The following CA10 variants were observed in gnomAD, a reference collection of about 807,000 sequenced individuals.
The protein encoded by CA10 is carbonic anhydrase 10 (inactive).
Under a neutral mutation model 44.2 loss-of-function variants are expected in CA10, and 14 were observed. The ratio of observed to expected loss-of-function variants is 0.32; its 90% CI spans 0.21 to 0.50. The LOEUF (loss-of-function observed/expected upper bound fraction) is 0.50. Ranked by LOEUF, CA10 falls within the 20% of genes least tolerant of loss-of-function variation. The probability of loss-of-function intolerance (pLI) is 0.99; values close to 1 mark genes in which losing one functional copy is unlikely to be tolerated. For synonymous variants in CA10, 159 were observed against 141.6 expected (o/e 1.12, Z -0.87); for missense variants, 350 against 409.7 (o/e 0.85, Z 1.26).
intron 3 of CA10, among the ~76,000 whole-genome samples, chr17:51,898,034 C>G (rs1010319444): frequency 6.6e-6 from 1 of 151,974 alleles, no homozygotes; most frequent in Non-Finnish European, 1.5e-5. Flanking sequence ...GACTTATGCT[C>G]TTCCTATTTG....
intron 3 of CA10, among the ~76,000 whole-genome samples, chr17:51,821,140 TCCC>T (rs1403787851): frequency 1.2e-5 from 1 of 86,198 alleles, no homozygotes; most frequent in African/African-American, 4.5e-5. Context: ...CCTCCCTCCC[TCCC>T]AATATTTATT....
At chr17:51,794,226 C>T (rs1323498648) in intron 3 of CA10, among the ~76,000 whole-genome samples, 1 of 152,146 alleles carries the variant, frequency 6.6e-6, no homozygotes, top group African/African-American at 2.4e-5. Flanking sequence ...TTGTGAACAA[C>T]AAAAATGAGC....
At chr17:52,028,294 C>T (rs973087618) in intron 2 of CA10, among the ~76,000 whole-genome samples, 15 of 152,156 alleles carry the variant, frequency 9.9e-5, no homozygotes, top group Non-Finnish European at 1.9e-4. Flanking sequence ...AAACTGACTA[C>T]AAGTGTGTTC....
intron 1 of CA10, among the ~76,000 whole-genome samples, chr17:52,102,060 C>T (rs1988552758): frequency 6.6e-6 from 1 of 152,130 alleles, no homozygotes; most frequent in Admixed American, 6.5e-5. Context: ...TCCAAAGTCC[C>T]TCCTTAGCCA....
chr17:52,136,716 G>A (rs1005480671), intron 1 of CA10, among the ~76,000 whole-genome samples: 1 of 152,134 alleles, frequency 6.6e-6, no homozygotes, highest in African/African-American at 2.4e-5. Flanking sequence ...TTTCTGGCAA[G>A]AGGCTACAAC....
intron 2 of CA10, among the ~76,000 whole-genome samples, chr17:52,016,230 G>T (rs1438770333): frequency 2.6e-5 from 4 of 151,998 alleles, no homozygotes; most frequent in African/African-American, 9.7e-5. Flanking sequence ...CCATAATACA[G>T]GCAATCTTTC....
intron 2 of CA10, among the ~76,000 whole-genome samples, chr17:52,014,599 G>T (rs1001058039): frequency 1.3e-5 from 2 of 151,954 alleles, no homozygotes; most frequent in South Asian, 2.1e-4. Flanking sequence ...AGCTATCATG[G>T]AAAAGTTAGT....
chr17:51,875,758 C>T (rs80198353), intron 3 of CA10, among the ~76,000 whole-genome samples: 17,507 of 152,090 alleles, frequency 0.12, 1,360 homozygotes, highest in South Asian at 0.28. Flanking sequence ...AATCAGGATA[C>T]AGAACAATTC....
intron 4 of CA10, among the ~76,000 whole-genome samples, chr17:51,725,685 T>C (rs1386763677): frequency 6.6e-6 from 1 of 152,216 alleles, no homozygotes; most frequent in African/African-American, 2.4e-5. Context: ...CCTTTTTCTC[T>C]TGAGATTTCT....
At chr17:51,909,866 A>G (rs768166647) in intron 3 of CA10, among the ~76,000 whole-genome samples, 2 of 152,174 alleles carry the variant, frequency 1.3e-5, no homozygotes, top group Non-Finnish European at 2.9e-5. Flanking sequence ...CTGCCATCCC[A>G]TAACCACCTT....
chr17:51,636,913 T>C (rs546990442), intron 6 of CA10, among the ~76,000 whole-genome samples: 1 of 152,094 alleles, frequency 6.6e-6, no homozygotes, highest in South Asian at 2.1e-4. Context: ...AGTAATTCAA[T>C]GGTAAAAATG....
chr17:51,955,448 G>A (rs982399918), intron 2 of CA10, among the ~76,000 whole-genome samples: 14 of 152,076 alleles, frequency 9.2e-5, no homozygotes, highest in African/African-American at 3.1e-4. Flanking sequence ...ACTTCTCCAG[G>A]TAACTCATGC....
intron 3 of CA10, among the ~76,000 whole-genome samples, chr17:51,868,219 T>A (rs1318631224): frequency 6.6e-6 from 1 of 152,186 alleles, no homozygotes; most frequent in African/African-American, 2.4e-5. Flanking sequence ...TAATCTCTGC[T>A]ACCAGCTGCA....
chr17:51,656,324 G>A (rs140739166), intron 4 of CA10, among the ~76,000 whole-genome samples: 98 of 152,334 alleles, frequency 6.4e-4, no homozygotes, highest in Admixed American at 2.6e-3. Context: ...CTCTCAGGGT[G>A]GGGTTCTTTT....
At chr17:52,017,421 T>C (rs1405990005) in intron 2 of CA10, among the ~76,000 whole-genome samples, 1 of 152,132 alleles carries the variant, frequency 6.6e-6, no homozygotes, top group African/African-American at 2.4e-5. Context: ...TATTGGGATC[T>C]GGAATAAAGT....
At chr17:51,692,887 T>C (rs990285188) in intron 4 of CA10, among the ~76,000 whole-genome samples, 29 of 152,214 alleles carry the variant, frequency 1.9e-4, no homozygotes, top group African/African-American at 7.0e-4. Context: ...CCATCACTGG[T>C]TTTGGCTGTC....
chr17:51,803,965 A>G (rs9905924), intron 3 of CA10, among the ~76,000 whole-genome samples: 3,850 of 152,296 alleles, frequency 0.025, 160 homozygotes, highest in African/African-American at 0.087. Flanking sequence ...GGTTCATGGT[A>G]TGACTTGGAT....
chr17:51,769,437 G>A (rs928276385), intron 3 of CA10, among the ~76,000 whole-genome samples: 22 of 152,184 alleles, frequency 1.4e-4, no homozygotes, highest in African/African-American at 5.1e-4. Flanking sequence ...GCAAAGGGAC[G>A]TAGTGAAATA....
At chr17:52,003,858 A>G (rs1178567453) in intron 2 of CA10, among the ~76,000 whole-genome samples, 2 of 151,818 alleles carry the variant, frequency 1.3e-5, no homozygotes, top group African/African-American at 4.8e-5. Flanking sequence ...TTCCACTTCT[A>G]TGTGCAAAAA....
Sources: allele counts gnomAD v4.1 joint callset (sites outside exome capture counted in the v4.1 genomes callset), GRCh38; gene constraint gnomAD v4.1.1; transcripts MANE v1.5; gene names NCBI Gene and HGNC (gene_info 2026-07-23, HGNC 2026-07-21).